RBMS1: variants seen among roughly 807,000 people sequenced by gnomAD.
RBMS1 encodes the protein RNA binding motif single stranded interacting protein 1, also known as RNA-binding motif, single-stranded-interacting protein 1.
Under a neutral mutation model 62.3 loss-of-function variants are expected in RBMS1, and 17 were observed. The observed-to-expected ratio is 0.27, with a 90% CI of 0.19 to 0.41. The LOEUF (loss-of-function observed/expected upper bound fraction) is 0.41, where lower values mean the gene tolerates loss of function less well. RBMS1 is among the 10% of genes least tolerant of loss of function. RBMS1 has a pLI of 1.00. For missense variants in RBMS1, 334 were observed against 504.5 expected, an observed-to-expected ratio of 0.66 and a Z score of 3.24; for synonymous variants, 172 against 170.0, an observed-to-expected ratio of 1.01 and a Z score of -0.09.
At chr2:160,290,228 G>T (rs186465837) in intron 6 of RBMS1, among the ~76,000 whole-genome samples, 1 of 150,250 alleles carries the variant, frequency 6.7e-6, no homozygotes, top group African/African-American at 2.5e-5. Context: ...TCTATAGAGC[G>T]TACCTTTCAG....
intron 2 of RBMS1, among the ~76,000 whole-genome samples, chr2:160,356,840 A>T (rs1416305276): frequency 2.6e-5 from 4 of 152,126 alleles, no homozygotes; most frequent in African/African-American, 7.2e-5. Context: ...AAACTCTTCT[A>T]AGGGTTAAAT....
rs1402236877 is a variant in RBMS1, at chr2:160,281,323, T to C, written c.942A>G (p.Leu314=). The C allele has an allele frequency of 6.2e-7, 1 of 1,607,560 alleles. No homozygotes were observed. Among genetic ancestry groups the C allele is most frequent in the East Asian group, 2.2e-5 (1 of 44,752 alleles). ...AAGATAAAAAACTTACAGGGTGCTG[T>C]AGAATATATGGTTGAGGTTGCATCC... ...PSWMQPQPYI[L]QHPGAVLTPS... The change falls in exon 10 of 14, where the codon CTA becomes CTG. Residue 314 remains leucine, a synonymous_variant. Coordinates refer to ENST00000348849, the MANE Select transcript of RBMS1 (RefSeq NM_016836.4).
chr2:160,275,773 A>G, intron 12 of RBMS1, 59 bp from the exon 13 acceptor site: 2 of 1,609,790 alleles, frequency 1.2e-6, no homozygotes, highest in Non-Finnish European at 1.7e-6. Context: ...CAGCTCTGCT[A>G]CTTAGGCCTG....
intron 2 of RBMS1, among the ~76,000 whole-genome samples, chr2:160,324,830 A>G (rs1377858466): frequency 6.7e-6 from 1 of 148,594 alleles, no homozygotes; most frequent in Non-Finnish European, 1.5e-5. Context: ...ACAGGTATAC[A>G]GCTCCTACTC....
chr2:160,323,992 A>G (rs1573859717), intron 2 of RBMS1, among the ~76,000 whole-genome samples: 1 of 152,220 alleles, frequency 6.6e-6, no homozygotes, highest in Admixed American at 6.5e-5. Flanking sequence ...AAATGTAGGT[A>G]TATCTCAGTT....
intron 1 of RBMS1, among the ~76,000 whole-genome samples, chr2:160,483,601 T>A (rs6722159): frequency 0.5 from 75,428 of 152,004 alleles, 19,319 homozygotes; most frequent in Admixed American, 0.58. Flanking sequence ...TAGCCAAATT[T>A]TGTCAGACCC....
At chr2:160,358,955 A>C (rs979296981) in intron 2 of RBMS1, among the ~76,000 whole-genome samples, 1 of 152,154 alleles carries the variant, frequency 6.6e-6, no homozygotes, top group Non-Finnish European at 1.5e-5. Context: ...TTTAAAAAAA[A>C]CAGAAAATTC....
At chr2:160,427,424 C>T (rs949740596) in intron 1 of RBMS1, among the ~76,000 whole-genome samples, 1 of 151,684 alleles carries the variant, frequency 6.6e-6, no homozygotes. Flanking sequence ...AGAACTGAGT[C>T]AAAAATAAAT....
At chr2:160,345,713 T>C (rs192552831) in intron 2 of RBMS1, among the ~76,000 whole-genome samples, 1 of 152,240 alleles carries the variant, frequency 6.6e-6, no homozygotes, top group East Asian at 1.9e-4. Context: ...AAGTTCCCCA[T>C]GGGAGGGCAG....
intron 1 of RBMS1, among the ~76,000 whole-genome samples, chr2:160,386,338 C>T (rs958106953): frequency 2.0e-5 from 3 of 152,142 alleles, no homozygotes; most frequent in African/African-American, 7.2e-5. Flanking sequence ...GAGTTCGAGA[C>T]CAGCCTGACC....
chr2:160,277,533 A>C, intron 11 of RBMS1, 150 bp from the exon 12 acceptor site: 1 of 481,188 alleles, frequency 2.1e-6, no homozygotes, highest in East Asian at 3.1e-5. Context: ...TAGTGCATAT[A>C]AATATGTCAT....
intron 2 of RBMS1, among the ~76,000 whole-genome samples, chr2:160,338,851 T>C (rs183707593): frequency 3.5e-4 from 53 of 151,600 alleles, no homozygotes; most frequent in African/African-American, 1.2e-3. Flanking sequence ...AAGAGGAGAG[T>C]TGAGGAAAGA....
intron 3 of RBMS1, among the ~76,000 whole-genome samples, chr2:160,316,297 A>G (rs1029016677): frequency 6.6e-6 from 1 of 152,104 alleles, no homozygotes; most frequent in Non-Finnish European, 1.5e-5. Context: ...AACCCACCAG[A>G]TATCTGTTGA....
In RBMS1 at chr2:160,407,167, C is replaced by G. The variant is rs554629586; in HGVS notation, c.76-39776G>C. On this transcript the variant is annotated intron_variant, in intron 1 of 13. Transcript: ENST00000348849. ...TACACACAAAGGTTTTGGGAAAAAC[C>G]CAAACTTGTTGCAGAGCTGGGTGAA... is the stretch of plus-strand genomic sequence containing the variant. Among the ~76,000 whole-genome samples the G allele has an allele frequency of 1.6e-4, 24 of 152,302 alleles. No individual in the cohort carries two copies. In the South Asian group the frequency reaches 4.8e-3, roughly 30 times the overall value.
At chr2:160,450,505 A>T (rs1439976229) in intron 1 of RBMS1, among the ~76,000 whole-genome samples, 2 of 144,328 alleles carry the variant, frequency 1.4e-5, no homozygotes, top group African/African-American at 5.1e-5. Flanking sequence ...GCACCATTGC[A>T]CTCCAGGCTG....
chr2:160,332,472 C>CT (rs2105984896), intron 2 of RBMS1, among the ~76,000 whole-genome samples: 1 of 152,224 alleles, frequency 6.6e-6, no homozygotes, highest in South Asian at 2.1e-4. Flanking sequence ...ATCTGATTAG[C>CT]TTTTCTCCTC....
chr2:160,295,715 C>G (rs927439550), intron 6 of RBMS1, among the ~76,000 whole-genome samples: 1 of 152,140 alleles, frequency 6.6e-6, no homozygotes, highest in African/African-American at 2.4e-5. Context: ...GACAAAACCA[C>G]GAAGTTCTTT....
intron 2 of RBMS1, among the ~76,000 whole-genome samples, chr2:160,323,005 G>T (rs548219154): frequency 2.0e-5 from 3 of 152,144 alleles, no homozygotes; most frequent in African/African-American, 7.2e-5. Context: ...CATTTTACTT[G>T]CAGTAAGATT....
intron 1 of RBMS1, among the ~76,000 whole-genome samples, chr2:160,436,392 G>T (rs964506334): frequency 4.6e-5 from 7 of 152,214 alleles, no homozygotes; most frequent in African/African-American, 1.7e-4. Context: ...GCTATTAAAA[G>T]GGAAACCTTC....
Sources: allele counts gnomAD v4.1 joint callset (sites outside exome capture counted in the v4.1 genomes callset), GRCh38; gene constraint gnomAD v4.1.1; transcripts MANE v1.5; gene names NCBI Gene and HGNC (gene_info 2026-07-23, HGNC 2026-07-21).